The following CDR2 variants were observed in gnomAD, a reference collection of about 807,000 sequenced individuals.
CDR2 encodes cerebellar degeneration-related protein 2.
Under a neutral mutation model 48.4 loss-of-function variants are expected in CDR2, and 34 were observed. The observed-to-expected ratio is 0.70, with a 90% confidence interval of 0.53 to 0.94. The LOEUF (loss-of-function observed/expected upper bound fraction) is 0.94. Ranked by LOEUF, CDR2 falls within the 40% of genes least tolerant of loss-of-function variation. The pLI is 0.00. For missense variants in CDR2, 498 were observed against 549.5 expected (o/e 0.91, Z 0.94); for synonymous variants, 240 against 219.7 (o/e 1.09, Z -0.82).
intron 2 of CDR2, among the ~76,000 whole-genome samples, chr16:22,357,175 A>C (rs1310067283): frequency 6.6e-6 from 1 of 152,038 alleles, no homozygotes; most frequent in African/African-American, 2.4e-5. Flanking sequence ...CAGCCTCCTG[A>C]GTAGCTGGGA....
In CDR2 at chr16:22,347,745, A is replaced by G. The variant is rs373272674; in HGVS notation, c.585T>C (p.Asn195=). 2 of 1,613,424 alleles carry G rather than the reference A, an allele frequency of 1.2e-6. No individual in the cohort carries two copies. Among genetic ancestry groups the G allele is most frequent in the African/African-American group, 2.7e-5 (2 of 74,690 alleles). Residue 195 remains asparagine, a synonymous_variant, in exon 5 of 5, where the codon AAT becomes AAC. Transcript: ENST00000268383. ...TTGTCACTGTTTTTTTCAAGTGCTC[A>G]TTTTCCTCTTCATCAGGGCTTGGCT... ...QGQPSPDEEE[N]EHLKKTVTML...
intron 1 of CDR2, 21 bp downstream of exon 1, chr16:22,374,192 CCAGGCCGCCGCCCGCCCG>C (rs774643119): frequency 1.5e-5 from 22 of 1,425,224 alleles, no homozygotes; most frequent in South Asian, 1.3e-4. Flanking sequence ...GCCTCCCGGG[CCAGGCCGCCGCCCGCCCG>C]CGGGGCGCCC....
intron 1 of CDR2, among the ~76,000 whole-genome samples, chr16:22,370,514 T>C (rs1027227343): frequency 8.5e-5 from 13 of 152,192 alleles, no homozygotes; most frequent in African/African-American, 2.9e-4. Flanking sequence ...ATCCAGTCTC[T>C]GAAGTCTTTC....
intron 2 of CDR2, among the ~76,000 whole-genome samples, chr16:22,356,940 CAAAAAAAAAAAAGAA>C (rs2048977928): frequency 3.5e-5 from 1 of 28,878 alleles, no homozygotes; most frequent in Non-Finnish European, 7.2e-5. Context: ...GACTCCATCT[CAAAAAAAAAAAAGAA>C]AAAAAAAAAA....
chr16:22,356,118 G>A (rs1025108084), intron 2 of CDR2, among the ~76,000 whole-genome samples: 3 of 151,976 alleles, frequency 2.0e-5, no homozygotes, highest in East Asian at 1.9e-4. Flanking sequence ...ATGTTAATAC[G>A]TATCTATATT....
intron 2 of CDR2, among the ~76,000 whole-genome samples, chr16:22,359,328 T>A (rs1311885940): frequency 6.6e-6 from 1 of 152,158 alleles, no homozygotes; most frequent in African/African-American, 2.4e-5. Flanking sequence ...GGTTTCGCCA[T>A]CTTGGCCAGG....
intron 2 of CDR2, among the ~76,000 whole-genome samples, chr16:22,361,964 C>T (rs1449665469): frequency 4.8e-5 from 7 of 144,800 alleles, no homozygotes; most frequent in African/African-American, 1.0e-4. Context: ...TGCAGTGGCA[C>T]GATCTCGGCT....
chr16:22,349,183 T>C, intron 4 of CDR2, 96 bp downstream of exon 4: 3 of 1,353,040 alleles, frequency 2.2e-6, no homozygotes, highest in South Asian at 1.3e-5. Context: ...CTAAGTGACT[T>C]TTCTTAAAAT....
chr16:22,362,042 C>T (rs951359540), intron 2 of CDR2, among the ~76,000 whole-genome samples: 6 of 151,860 alleles, frequency 4.0e-5, no homozygotes, highest in African/African-American at 1.2e-4. Context: ...GCTGGGACTA[C>T]AGGCGCCCGC....
chr16:22,365,362 C>CCCTT (rs1196979848), intron 1 of CDR2, among the ~76,000 whole-genome samples: 1 of 152,078 alleles, frequency 6.6e-6, no homozygotes, highest in East Asian at 1.9e-4. Context: ...TTTGAATGGA[C>CCCTT]CCTTGAGCCA....
At position 22,374,373 on chromosome 16, in the gene CDR2, C is replaced by A. The variant is rs2049103416; in HGVS notation, c.-64G>T. The A allele has an allele frequency of 9.0e-6, 11 of 1,219,988 alleles. 1 individual carries two copies. Among genetic ancestry groups the A allele is most frequent in the South Asian group, 7.6e-5 (6 of 78,530 alleles). The allele number at this position is 1,219,988 out of a possible 1,614,324, so 75.6% of individuals were successfully genotyped here. On this transcript the variant is annotated 5_prime_UTR_variant, in exon 1 of 5. Transcript: ENST00000268383. ...GTCCCGCCTCAGCCGCTGCCCCGGG[C>A]TCTTCCCCGGCCCCTCCGCCCTCAG...
At chr16:22,359,504 TC>T (rs1283714360) in intron 2 of CDR2, among the ~76,000 whole-genome samples, 3 of 152,134 alleles carry the variant, frequency 2.0e-5, no homozygotes, top group South Asian at 2.1e-4. Context: ...CATAATCTCA[TC>T]CCCTCAGAAA....
intron 2 of CDR2, among the ~76,000 whole-genome samples, chr16:22,360,764 T>G (rs960059454): frequency 2.3e-5 from 3 of 131,820 alleles, no homozygotes. Flanking sequence ...TTTTTTTTTT[T>G]TTTGAGACGG....
At position 22,364,927 on chromosome 16, in the gene CDR2, T is replaced by A. The variant is rs1180245192; in HGVS notation, c.167A>T (p.Asn56Ile). 6.2e-7 allele frequency: 1 copy of A among 1,610,730 alleles called. No individual in the cohort carries two copies. Among genetic ancestry groups the A allele is most frequent in the Non-Finnish European group, 8.5e-7 (1 of 1,176,922 alleles). ...CTCAATTTCCTGTAACTGCTCCTGA[T>A]TGGTTGTATACATCTGCTGAACAGA... The part of the protein sequence containing the change: ...EDSVQQMYTT[N>I]QEQLQEIEYL... The change falls in exon 2 of 5, where the codon AAT becomes ATT. Residue 56 changes from asparagine to isoleucine, a missense_variant. Transcript: ENST00000268383.
intron 2 of CDR2, among the ~76,000 whole-genome samples, chr16:22,358,113 A>T (rs2048987540): frequency 6.6e-6 from 1 of 152,214 alleles, no homozygotes; most frequent in Non-Finnish European, 1.5e-5. Flanking sequence ...GTAAGGCCAG[A>T]CATCTAGGTC....
intron 1 of CDR2, among the ~76,000 whole-genome samples, chr16:22,367,941 G>A (rs1256399993): frequency 6.6e-6 from 1 of 152,118 alleles, no homozygotes; most frequent in African/African-American, 2.4e-5. Flanking sequence ...GACTTTAGAG[G>A]CCAGGTGCAG....
Position 22,347,150 on chromosome 16 carries a change from C to G in CDR2, c.1180G>C (p.Ala394Pro). Residue 394 changes from alanine to proline, a missense_variant, in exon 5 of 5, where the codon GCC becomes CCC. Transcript: ENST00000268383. ...CCGCTGGCAACAGGCTCAGACTGGG[C>G]GTTCACTCCAGTCAGGTCCTTGGCT... Reference protein sequence around the residue: ...AAAKDLTGVNAQSEPVASGWE... With the variant: ...AAAKDLTGVNPQSEPVASGWE... The G allele has an allele frequency of 1.9e-6, 3 of 1,614,194 alleles. No homozygotes were observed. The highest frequency in any genetic ancestry group is 2.5e-6 in the Non-Finnish European group (3 of 1,179,988).
At chr16:22,355,458 T>C (rs1398335544) in intron 2 of CDR2, among the ~76,000 whole-genome samples, 1 of 152,262 alleles carries the variant, frequency 6.6e-6, no homozygotes, top group Admixed American at 6.5e-5. Flanking sequence ...TTAAAGGGTC[T>C]GAACAGCTAC....
intron 2 of CDR2, among the ~76,000 whole-genome samples, chr16:22,357,987 A>C (rs2048986074): frequency 6.6e-6 from 1 of 152,234 alleles, no homozygotes; most frequent in African/African-American, 2.4e-5. Context: ...AACCAAAATT[A>C]ATCAGAAAAG....
Sources: allele counts gnomAD v4.1 joint callset (sites outside exome capture counted in the v4.1 genomes callset), GRCh38; gene constraint gnomAD v4.1.1; transcripts MANE v1.5; gene names NCBI Gene and HGNC (gene_info 2026-07-23, HGNC 2026-07-21).